RANBP3: variants seen among roughly 807,000 people sequenced by gnomAD.
RANBP3 encodes RAN binding protein 3.
In RANBP3, 14 loss-of-function variants were observed where a neutral mutation model predicts 77.3. The observed-to-expected ratio is 0.18, with a 90% CI of 0.12 to 0.28. The LOEUF (loss-of-function observed/expected upper bound fraction) is 0.28. RANBP3 is among the 10% of genes least tolerant of loss of function. The probability of loss-of-function intolerance (pLI) is 1.00; values close to 1 mark genes in which losing one functional copy is unlikely to be tolerated. For synonymous variants in RANBP3, 315 were observed against 312.4 expected, an observed-to-expected ratio of 1.01 and a Z score of -0.09; for missense variants, 586 against 752.3, an observed-to-expected ratio of 0.78 and a Z score of 2.59.
chr19:5,925,127 G>A (rs2057885729), intron 10 of RANBP3: 2 of 567,544 alleles, frequency 3.5e-6, no homozygotes, highest in South Asian at 3.9e-5. Flanking sequence ...CACAGCATGA[G>A]GGAAGCCACC....
chr19:5,977,692 C>G (rs1243281791), intron 1 of RANBP3, among the ~76,000 whole-genome samples: 3 of 152,202 alleles, frequency 2.0e-5, no homozygotes, highest in Non-Finnish European at 2.9e-5. Flanking sequence ...GTGGCGCGCT[C>G]CGGGCCACAA....
At chr19:5,961,504 G>A (rs1410455793) in intron 1 of RANBP3, among the ~76,000 whole-genome samples, 1 of 152,066 alleles carries the variant, frequency 6.6e-6, no homozygotes, top group Non-Finnish European at 1.5e-5. Context: ...AGGCCGAGGC[G>A]GGAGGATCAC....
intron 1 of RANBP3, among the ~76,000 whole-genome samples, chr19:5,962,425 T>A (rs997143408): frequency 6.6e-6 from 1 of 152,210 alleles, no homozygotes; most frequent in Non-Finnish European, 1.5e-5. Context: ...GGGCCTCGTC[T>A]GTTCCGTTTC....
intron 2 of RANBP3, among the ~76,000 whole-genome samples, chr19:5,955,936 TA>T (rs762053001): frequency 2.6e-5 from 4 of 151,688 alleles, no homozygotes; most frequent in Admixed American, 6.6e-5. Context: ...ACACCATCTC[TA>T]AAAAAAATTT....
intron 1 of RANBP3, among the ~76,000 whole-genome samples, chr19:5,971,959 T>C (rs2058535662): frequency 6.6e-6 from 1 of 152,240 alleles, no homozygotes; most frequent in African/African-American, 2.4e-5. Flanking sequence ...ATCACTGCTG[T>C]GCAAGAATGC....
At chr19:5,918,384 T>G in intron 15 of RANBP3, 112 bp downstream of exon 15, 1 of 741,814 alleles carries the variant, frequency 1.3e-6, no homozygotes, top group South Asian at 2.0e-5. Flanking sequence ...AGGAAGCAAC[T>G]GAAGCCCCTC....
In RANBP3 at chr19:5,978,079, C is replaced by A; in HGVS notation, c.4G>T (p.Ala2Ser). ...CCCCTACCTTCGTTCGCCAGGTCCG[C>A]CATTTTACTTCCTTAAGCCCTCCCA... Reference protein sequence around the residue: MADLANEEKPAI... With the variant: MSDLANEEKPAI... The change falls in exon 1 of 17, where the codon GCG (alanine) becomes TCG (serine). Residue 2 changes from alanine (A) to serine (S), a missense_variant. Ala to Ser is a moderately conservative substitution (Grantham distance 99). Around this residue, in one of 5 missense-constraint regions of RANBP3, gnomAD observed 172 missense variants for 183.4 expected, o/e 0.94. Coordinates refer to ENST00000340578, the MANE Select transcript of RANBP3 (RefSeq NM_007322.3). 1.2e-6 allele frequency: 2 copies of A among 1,610,986 alleles called. No homozygotes were observed. The highest frequency in any genetic ancestry group is 1.7e-6 in the Non-Finnish European group (2 of 1,178,770).
rs556777896 is a variant in RANBP3, at chr19:5,952,819, T to C, written c.79-1223A>G. ...TAATCAAGGGGACACTGTCGCCTCT[T>C]CGTATCCAGGGCAGAGCCACGGACC... On this transcript the variant is annotated intron_variant, in intron 2 of 16. Transcript: ENST00000340578. This position sits in a 1 kb window ranked among gnomAD's most constrained non-coding sequence, Gnocchi z 4.1. Among the ~76,000 whole-genome samples, 1 of 152,296 alleles carries C rather than the reference T, an allele frequency of 6.6e-6. No homozygotes were observed. Among genetic ancestry groups the C allele is most frequent in the South Asian group, 2.1e-4 (1 of 4,826 alleles).
At chr19:5,929,103 C>T (rs1022036604) in intron 8 of RANBP3, among the ~76,000 whole-genome samples, 2 of 152,098 alleles carry the variant, frequency 1.3e-5, no homozygotes, top group Non-Finnish European at 2.9e-5. Context: ...AATGCCAGGC[C>T]CAGAATCAGC....
At chr19:5,940,886 C>T (rs1186072399) in intron 5 of RANBP3, among the ~76,000 whole-genome samples, 3 of 152,228 alleles carry the variant, frequency 2.0e-5, no homozygotes, top group African/African-American at 7.2e-5. Context: ...TGGCAGGAGG[C>T]CGGGCTTTCT....
At chr19:5,956,882 A>G (rs1200947888) in intron 2 of RANBP3, among the ~76,000 whole-genome samples, 1 of 152,254 alleles carries the variant, frequency 6.6e-6, no homozygotes, top group Non-Finnish European at 1.5e-5. Flanking sequence ...AAATCCTGTT[A>G]TTACCAACAA....
intron 3 of RANBP3, among the ~76,000 whole-genome samples, chr19:5,947,483 G>A (rs903589323): frequency 2.0e-5 from 3 of 152,146 alleles, no homozygotes; most frequent in Non-Finnish European, 4.4e-5. Context: ...CTACTGCTGC[G>A]AGGCGCAGGG....
chr19:5,919,879 C>T (rs1384131778), intron 14 of RANBP3, among the ~76,000 whole-genome samples: 1 of 123,580 alleles, frequency 8.1e-6, no homozygotes, highest in Non-Finnish European at 1.6e-5. Context: ...CCAGACTGGG[C>T]AACAAGGGCA....
intron 1 of RANBP3, chr19:5,974,385 A>G (rs1441599222): frequency 1.4e-4 from 21 of 152,200 alleles, no homozygotes; most frequent in Admixed American, 1.4e-3. Context: ...GCCAGGGACA[A>G]AACTCTGCCT....
chr19:5,943,996 C>T (rs547454853), intron 3 of RANBP3, among the ~76,000 whole-genome samples: 1 of 151,774 alleles, frequency 6.6e-6, no homozygotes, highest in Admixed American at 6.5e-5. Flanking sequence ...TATTCCGGCT[C>T]TGCCATTTTC....
At chr19:5,942,650 G>A (rs1033134378) in intron 3 of RANBP3, among the ~76,000 whole-genome samples, 2 of 142,582 alleles carry the variant, frequency 1.4e-5, no homozygotes, top group African/African-American at 2.6e-5. Flanking sequence ...GCAGTGAGCC[G>A]AGATCACACC....
Position 5,933,522 on chromosome 19 carries a change from C to G in RANBP3, c.407-43G>C, listed in dbSNP as rs754546884. Reference sequence around the variant, plus strand: ...AATATCAACAGCAGGCCTGCCTGGGCTGGGGCTGGGCCTGGGGGGCAAGGG... The same window carrying G: ...AATATCAACAGCAGGCCTGCCTGGGGTGGGGCTGGGCCTGGGGGGCAAGGG... On this transcript the variant is annotated intron_variant, in intron 5 of 16. Transcript: ENST00000340578. 5 of 1,579,842 alleles carry G rather than the reference C, an allele frequency of 3.2e-6. No individual in the cohort carries two copies. The African/African-American group carries it at 6.7e-5, about 21-fold the overall frequency.
At chr19:5,933,207 T>G (rs2058018819) in intron 6 of RANBP3, 2 of 513,846 alleles carry the variant, frequency 3.9e-6, no homozygotes, top group Non-Finnish European at 6.9e-6. Context: ...CTGCCCACTT[T>G]TCTGAACACA....
intron 7 of RANBP3, 71 bp from the exon 8 acceptor site, chr19:5,931,602 G>C (rs2057993022): frequency 1.3e-6 from 2 of 1,528,346 alleles, no homozygotes; most frequent in Admixed American, 1.8e-5. Flanking sequence ...ACATAGCTGA[G>C]GGGCTGGGCC....
Sources: gnomAD v4.1 joint callset for allele counts (sites outside exome capture counted in the v4.1 genomes callset) on GRCh38, gnomAD v4.1.1 for gene constraint, gnomAD v4.1.1 regional missense constraint, Gnocchi (gnomAD v3.1) non-coding constraint, MANE v1.5 for transcripts, NCBI Gene and HGNC (gene_info 2026-07-23, HGNC 2026-07-21) for gene names.